The following PRH1 variants were observed in gnomAD, a reference collection of about 807,000 sequenced individuals.
PRH1 encodes salivary acidic proline-rich phosphoprotein 1/2.
In PRH1, 7 loss-of-function variants were observed where a neutral mutation model predicts 7.9. That is an observed-to-expected ratio of 0.89 (90% confidence interval 0.50 to 1.67). The LOEUF is 1.67. Ranked by LOEUF, PRH1 falls within the 40% of genes most tolerant of loss-of-function variation. The pLI is 0.00. For synonymous variants in PRH1, 45 were observed against 80.8 expected (o/e 0.56, Z 2.38); for missense variants, 109 against 223.6 (o/e 0.49, Z 3.27).
intron 1 of PRH1, among the ~76,000 whole-genome samples, chr12:11,141,714 G>T (rs1402134911): frequency 6.6e-6 from 1 of 152,144 alleles, no homozygotes; most frequent in Non-Finnish European, 1.5e-5. Flanking sequence ...GTACAGGCAG[G>T]AATCAAGGAT....
chr12:10,952,298 A>T (rs1350939672), intron 2 of PRH1, among the ~76,000 whole-genome samples: 1 of 152,222 alleles, frequency 6.6e-6, no homozygotes, highest in Non-Finnish European at 1.5e-5. Flanking sequence ...TATTCATCAA[A>T]GAGCTTGCAA....
At chr12:11,030,323 A>G (rs1305910781) in intron 1 of PRH1, 1 of 1,537,468 alleles carries the variant, frequency 6.5e-7, no homozygotes, top group Non-Finnish European at 8.7e-7. Flanking sequence ...TACAGTATAG[A>G]AAAACCAGTA....
intron 1 of PRH1, among the ~76,000 whole-genome samples, chr12:11,015,475 T>G (rs1319342151): frequency 6.6e-6 from 1 of 152,146 alleles, no homozygotes; most frequent in African/African-American, 2.4e-5. Flanking sequence ...TGCCCCTCAG[T>G]TGAATTCTTT....
intron 1 of PRH1, among the ~76,000 whole-genome samples, chr12:11,147,062 T>A (rs1224983262): frequency 6.6e-6 from 1 of 152,200 alleles, no homozygotes; most frequent in Non-Finnish European, 1.5e-5. Flanking sequence ...CTATATGTAT[T>A]TTTCAAGTCA....
chr12:10,908,422 G>C, intron 2 of PRH1: 3 of 1,613,246 alleles, frequency 1.9e-6, no homozygotes, highest in Non-Finnish European at 2.5e-6. Context: ...GCCACCAAAA[G>C]AAAGGCCTGT....
In PRH1 at chr12:11,011,675, T is replaced by A. The variant is rs181493369; in HGVS notation, c.-126+35345A>T. On this transcript the variant is annotated intron_variant, in intron 1 of 3. Coordinates refer to the PRH1 transcript ENST00000539853. Reference sequence around the variant, plus strand: ...GAATCATGACCACTGTGAATTTATTTTTTCAATGTCAGATTTATGTAGACA... The same window carrying A: ...GAATCATGACCACTGTGAATTTATTATTTCAATGTCAGATTTATGTAGACA... 4.6e-3 allele frequency among the ~76,000 whole-genome samples: 695 copies of A among 152,294 alleles called. 3 individuals are homozygous for A. The highest frequency in any genetic ancestry group is 5.4e-3 in the Non-Finnish European group (370 of 67,996).
intron 2 of PRH1, among the ~76,000 whole-genome samples, chr12:10,892,690 C>A (rs890285278): frequency 6.6e-6 from 1 of 152,112 alleles, no homozygotes; most frequent in Non-Finnish European, 1.5e-5. Context: ...CTGCCATAAA[C>A]AAGCTATCTA....
chr12:10,908,528 A>C, intron 2 of PRH1: 3 of 1,613,938 alleles, frequency 1.9e-6, no homozygotes, highest in Non-Finnish European at 2.5e-6. Flanking sequence ...CTGTGTTCTG[A>C]TACAGCTCAG....
At chr12:10,889,496 A>T (rs573195250) in intron 2 of PRH1, among the ~76,000 whole-genome samples, 9 of 152,218 alleles carry the variant, frequency 5.9e-5, no homozygotes, top group African/African-American at 2.2e-4. Context: ...AATGGATTTC[A>T]TTGGTTGTAT....
At chr12:11,082,011 C>T (rs1858376557) in intron 1 of PRH1, among the ~76,000 whole-genome samples, 1 of 117,382 alleles carries the variant, frequency 8.5e-6, no homozygotes, top group African/African-American at 2.8e-5. Context: ...TTTTAAACTA[C>T]ACTACACTTA....
intron 1 of PRH1, chr12:10,987,043 T>G (rs771154209): frequency 3.0e-5 from 13 of 433,936 alleles, no homozygotes; most frequent in Non-Finnish European, 5.2e-5. Context: ...TGGATGAGTT[T>G]GATGTCATCT....
chr12:11,031,279 A>C, intron 1 of PRH1: 1 of 1,613,984 alleles, frequency 6.2e-7, no homozygotes, highest in Non-Finnish European at 8.5e-7. Context: ...CAAAATTTCC[A>C]ATAACAAATA....
chr12:10,939,902 T>G (rs1322983472), intron 2 of PRH1, among the ~76,000 whole-genome samples: 2 of 152,232 alleles, frequency 1.3e-5, no homozygotes, highest in East Asian at 1.9e-4. Flanking sequence ...TATTATCATT[T>G]GAATACGTTA....
chr12:10,905,074 T>C (rs1187668802), intron 2 of PRH1, among the ~76,000 whole-genome samples: 1 of 151,818 alleles, frequency 6.6e-6, no homozygotes, highest in African/African-American at 2.4e-5. Flanking sequence ...TGTACCCTGT[T>C]GGTGGGCATG....
intron 1 of PRH1, among the ~76,000 whole-genome samples, chr12:11,136,032 C>A (rs1946540799): frequency 6.6e-6 from 1 of 152,150 alleles, no homozygotes; most frequent in Non-Finnish European, 1.5e-5. Flanking sequence ...TGGAGCAAGA[C>A]AAGGAACACT....
At chr12:10,906,517 C>G (rs540316417) in intron 2 of PRH1, among the ~76,000 whole-genome samples, 6 of 152,286 alleles carry the variant, frequency 3.9e-5, no homozygotes, top group African/African-American at 1.4e-4. Flanking sequence ...TGTGTCCCCA[C>G]CCAAATCTCA....
chr12:10,884,506 G>A (rs1027526954), upstream of PRH1, among the ~76,000 whole-genome samples: 3 of 152,136 alleles, frequency 2.0e-5, no homozygotes, highest in East Asian at 3.9e-4. Context: ...CCAAGCAGTC[G>A]GCACAGTGTC....
At chr12:10,958,468 G>A (rs1176291637) in intron 2 of PRH1, among the ~76,000 whole-genome samples, 2 of 151,940 alleles carry the variant, frequency 1.3e-5, no homozygotes, top group East Asian at 1.9e-4. Context: ...CTTCCCACCC[G>A]AGTGACAAAA....
intron 1 of PRH1, among the ~76,000 whole-genome samples, chr12:10,987,699 C>T (rs1257057647): frequency 6.6e-6 from 1 of 151,880 alleles, no homozygotes; most frequent in Non-Finnish European, 1.5e-5. Flanking sequence ...TCAGACCCCC[C>T]CCAAAAAAAT....
Sources: gnomAD v4.1 joint callset for allele counts (sites outside exome capture counted in the v4.1 genomes callset) on GRCh38, gnomAD v4.1.1 for gene constraint, MANE v1.5 for transcripts, NCBI Gene and HGNC (gene_info 2026-07-23, HGNC 2026-07-21) for gene names.